PPP2R5E: variants seen among roughly 807,000 people sequenced by gnomAD.
The protein encoded by PPP2R5E is serine/threonine-protein phosphatase 2A 56 kDa regulatory subunit epsilon isoform.
Under a neutral mutation model 65.3 loss-of-function variants are expected in PPP2R5E, and 4 were observed. The ratio of observed to expected loss-of-function variants is 0.06; its 90% CI spans 0.03 to 0.14. The LOEUF is 0.14. Among genes scored for constraint, PPP2R5E ranks in the 10% least tolerant of loss-of-function variants. The pLI is 1.00. For synonymous variants in PPP2R5E, 183 were observed against 187.4 expected, an observed-to-expected ratio of 0.98 and a Z score of 0.19; for missense variants, 274 against 556.1, an observed-to-expected ratio of 0.49 and a Z score of 5.10.
Position 63,530,480 on chromosome 14 carries a change from G to A in PPP2R5E, c.157+9049C>T, listed in dbSNP as rs553992770. ...ACTTCTGACCTCAGGTGATCTGCCC[G>A]CCTTGGCCTCCCAAAGTGCTAGGAT... On this transcript the variant is annotated intron_variant, in intron 2 of 13. Transcript: ENST00000337537. Among the ~76,000 whole-genome samples, 86 of 151,650 alleles carry A rather than the reference G, an allele frequency of 5.7e-4. 1 individual carries two copies. Among genetic ancestry groups the A allele is most frequent in the African/African-American group, 1.9e-3 (80 of 41,300 alleles).
intron 3 of PPP2R5E, among the ~76,000 whole-genome samples, chr14:63,439,240 A>G (rs755999939): frequency 1.1e-4 from 17 of 152,226 alleles, no homozygotes; most frequent in Admixed American, 4.6e-4. Context: ...AGCACTGTTC[A>G]TAAATTAATT....
At chr14:63,497,256 T>G (rs1200859807) in intron 2 of PPP2R5E, among the ~76,000 whole-genome samples, 1 of 152,034 alleles carries the variant, frequency 6.6e-6, no homozygotes, top group East Asian at 1.9e-4. Context: ...AAAAACAACA[T>G]GGCAAAATAA....
At chr14:63,445,460 T>C (rs1354676439) in intron 3 of PPP2R5E, among the ~76,000 whole-genome samples, 1 of 152,200 alleles carries the variant, frequency 6.6e-6, no homozygotes, top group Non-Finnish European at 1.5e-5. Context: ...TTTTTGCTGG[T>C]GGAGGGTCTT....
intron 5 of PPP2R5E, among the ~76,000 whole-genome samples, chr14:63,406,410 CAAAAAAA>C (rs569875121): frequency 2.8e-4 from 23 of 83,316 alleles, no homozygotes; most frequent in East Asian, 9.5e-4. Flanking sequence ...GACTTCATCT[CAAAAAAA>C]AAAAAAAAAG....
intron 2 of PPP2R5E, among the ~76,000 whole-genome samples, chr14:63,504,947 G>C (rs868499361): frequency 6.6e-6 from 1 of 152,186 alleles, no homozygotes; most frequent in African/African-American, 2.4e-5. Flanking sequence ...TAAGAAGATG[G>C]GGATCATTAA....
chr14:63,516,092 G>A (rs944797913), intron 2 of PPP2R5E, among the ~76,000 whole-genome samples: 6 of 151,462 alleles, frequency 4.0e-5, no homozygotes, highest in Admixed American at 2.0e-4. Context: ...CTTGTGATCC[G>A]CCCACCTCCG....
At chr14:63,523,513 T>A (rs1320606260) in intron 2 of PPP2R5E, among the ~76,000 whole-genome samples, 5 of 151,972 alleles carry the variant, frequency 3.3e-5, no homozygotes, top group Non-Finnish European at 5.9e-5. Context: ...GAAGGCAGCA[T>A]GCTCGTTAAG....
chr14:63,414,062 C>A (rs537519153), intron 5 of PPP2R5E, among the ~76,000 whole-genome samples: 4 of 152,148 alleles, frequency 2.6e-5, no homozygotes, highest in Non-Finnish European at 5.9e-5. Context: ...GGCCTCCATG[C>A]CCCTCAGCTC....
intron 3 of PPP2R5E, among the ~76,000 whole-genome samples, chr14:63,448,539 C>G (rs1347615914): frequency 6.6e-6 from 1 of 152,054 alleles, no homozygotes; most frequent in Non-Finnish European, 1.5e-5. Flanking sequence ...GCCTGTAATC[C>G]CAGCACTTTG....
chr14:63,457,143 C>T (rs1889165107), intron 2 of PPP2R5E, among the ~76,000 whole-genome samples: 1 of 152,126 alleles, frequency 6.6e-6, no homozygotes, highest in Admixed American at 6.5e-5. Context: ...ATACTGCTCC[C>T]AATCTCCTCT....
At chr14:63,394,549 T>C (rs1312173463) in intron 7 of PPP2R5E, among the ~76,000 whole-genome samples, 2 of 152,168 alleles carry the variant, frequency 1.3e-5, no homozygotes. Flanking sequence ...CTTTTCCTTC[T>C]CCAAATAATG....
At chr14:63,430,682 TAGAATC>T (rs1332919067) in intron 3 of PPP2R5E, among the ~76,000 whole-genome samples, 3 of 152,168 alleles carry the variant, frequency 2.0e-5, no homozygotes, top group African/African-American at 7.2e-5. Context: ...CTGAGGGACT[TAGAATC>T]AGAGCAGACA....
intron 3 of PPP2R5E, among the ~76,000 whole-genome samples, chr14:63,447,691 T>C (rs1888560461): frequency 1.3e-5 from 2 of 152,244 alleles, no homozygotes; most frequent in African/African-American, 4.8e-5. Context: ...TGTCTAATTG[T>C]CTGATGCAAG....
rs745887759 is a variant in PPP2R5E at position 63,415,117 on chromosome 14, C to T, written c.549+23G>A. On this transcript the variant is annotated intron_variant, in intron 5 of 13. Coordinates refer to ENST00000337537, the MANE Select transcript of PPP2R5E (RefSeq NM_006246.5). Reference sequence around the variant, plus strand: ...AAGTGTTAACTGGATGACAAATACACACAACCACAATAATTTGCTTACCTG... The same window carrying T: ...AAGTGTTAACTGGATGACAAATACATACAACCACAATAATTTGCTTACCTG... 5 of 1,493,200 alleles carry T rather than the reference C, an allele frequency of 3.3e-6. No individual in the cohort carries two copies. In the South Asian group the frequency reaches 5.7e-5, roughly 17 times the overall value. The allele number at this position is 1,493,200 out of a possible 1,614,324, so 92.5% of individuals were successfully genotyped here.
chr14:63,513,817 TG>T (rs901929550), intron 2 of PPP2R5E, among the ~76,000 whole-genome samples: 14 of 152,298 alleles, frequency 9.2e-5, no homozygotes, highest in Non-Finnish European at 1.2e-4. Flanking sequence ...GAGCCAGAAC[TG>T]GGGCCTCTGA....
chr14:63,409,279 C>T (rs1027846027), intron 5 of PPP2R5E, among the ~76,000 whole-genome samples: 2 of 150,334 alleles, frequency 1.3e-5, no homozygotes, highest in Non-Finnish European at 3.0e-5. Context: ...TGGTGGTGCA[C>T]GTCTGTAATC....
At chr14:63,480,177 G>C (rs921700780) in intron 2 of PPP2R5E, among the ~76,000 whole-genome samples, 1 of 152,050 alleles carries the variant, frequency 6.6e-6, no homozygotes, top group African/African-American at 2.4e-5. Flanking sequence ...TGGGGTCTCG[G>C]CCAGGTGTGG....
intron 10 of PPP2R5E, among the ~76,000 whole-genome samples, chr14:63,390,282 C>T (rs1884936729): frequency 6.7e-6 from 1 of 149,382 alleles, no homozygotes; most frequent in East Asian, 2.0e-4. Flanking sequence ...TAAGCATGCA[C>T]TGACGCATTC....
intron 2 of PPP2R5E, among the ~76,000 whole-genome samples, chr14:63,504,651 G>A (rs955635950): frequency 6.6e-6 from 1 of 152,148 alleles, no homozygotes; most frequent in African/African-American, 2.4e-5. Context: ...TTAGATGTTT[G>A]GGGGAATGAG....
Sources: allele counts gnomAD v4.1 joint callset (sites outside exome capture counted in the v4.1 genomes callset), GRCh38; gene constraint gnomAD v4.1.1; transcripts MANE v1.5; gene names NCBI Gene and HGNC (gene_info 2026-07-23, HGNC 2026-07-21).